NRXN3: variants seen among roughly 807,000 people sequenced by gnomAD.
NRXN3 encodes the protein neurexin 3.
A neutral mutation model predicts 137.6 loss-of-function variants in NRXN3; 32 were observed. The observed-to-expected ratio is 0.23, with a 90% confidence interval of 0.18 to 0.31. The LOEUF is 0.31. Among genes scored for constraint, NRXN3 ranks in the 10% least tolerant of loss-of-function variants. The pLI is 1.00. For missense variants in NRXN3, 1,574 were observed against 2,062.5 expected (o/e 0.76, Z 4.59); for synonymous variants, 798 against 784.5 (o/e 1.02, Z -0.29).
At chr14:79,109,630 T>C (rs2053115805) in intron 15 of NRXN3, among the ~76,000 whole-genome samples, 1 of 152,204 alleles carries the variant, frequency 6.6e-6, no homozygotes, top group Non-Finnish European at 1.5e-5. Flanking sequence ...CTGCCTAGAT[T>C]CATTAAGAAT....
At chr14:79,221,989 A>C (rs935057390) in intron 15 of NRXN3, among the ~76,000 whole-genome samples, 1 of 151,966 alleles carries the variant, frequency 6.6e-6, no homozygotes, top group East Asian at 1.9e-4. Flanking sequence ...AGTTTTCCCA[A>C]CACCATTTGT....
intron 4 of NRXN3, among the ~76,000 whole-genome samples, chr14:78,373,266 G>C: frequency 1.7e-4 from 1 of 6,034 alleles, no homozygotes; most frequent in African/African-American, 2.8e-4. Context: ...GAACAAGAAA[G>C]ATGAGGTGGG....
In NRXN3 at chr14:79,775,127, A is replaced by G. The variant is rs2099092595; in HGVS notation, c.4015-29985A>G. 2.0e-5 allele frequency among the ~76,000 whole-genome samples: 3 copies of G among 152,178 alleles called. 1 individual carries two copies. The South Asian group carries it at 6.2e-4, about 32-fold the overall frequency. On this transcript the variant is annotated intron_variant, in intron 19 of 20. Transcript: ENST00000335750. ...CTGGGGTGGTACTATGGTATGTATT[A>G]ATACCATACCGTAATTCTATGATCT...
chr14:79,831,106 T>C (rs2099321914), intron 20 of NRXN3, among the ~76,000 whole-genome samples: 1 of 151,774 alleles, frequency 6.6e-6, no homozygotes, highest in Admixed American at 6.6e-5. Context: ...AAAAGAAAAA[T>C]GAAGGAAATA....
chr14:79,104,440 C>A (rs2051970785), intron 15 of NRXN3, among the ~76,000 whole-genome samples: 1 of 152,142 alleles, frequency 6.6e-6, no homozygotes, highest in African/African-American at 2.4e-5. Flanking sequence ...CAGTGGACTT[C>A]CAGCCCACTC....
At chr14:79,601,907 G>C (rs1260855529) in intron 16 of NRXN3, among the ~76,000 whole-genome samples, 1 of 152,194 alleles carries the variant, frequency 6.6e-6, no homozygotes, top group Non-Finnish European at 1.5e-5. Context: ...AGACCGAAGA[G>C]GGCAGCCACT....
At chr14:79,264,020 G>A (rs966545305) in intron 15 of NRXN3, among the ~76,000 whole-genome samples, 1 of 152,138 alleles carries the variant, frequency 6.6e-6, no homozygotes, top group African/African-American at 2.4e-5. Context: ...ATACTAATCT[G>A]GTTAGGCCAT....
chr14:78,537,617 G>A (rs1200149359), intron 4 of NRXN3, among the ~76,000 whole-genome samples: 3 of 152,284 alleles, frequency 2.0e-5, no homozygotes, highest in Admixed American at 1.3e-4. Context: ...GGTTTAATTA[G>A]ATCCCATTTG....
In NRXN3 at chr14:78,968,709, G is replaced by A. The variant is rs1383555752; in HGVS notation, c.3142+363G>A. On this transcript the variant is annotated intron_variant, in intron 14 of 20. Coordinates refer to ENST00000335750, the MANE Select transcript of NRXN3 (RefSeq NM_001330195.2). Reference sequence around the variant, plus strand: ...TATTTATACTTTAATACATGATGAGGGGAAAACCAGAGATTTTATGTAGAT... The same window carrying A: ...TATTTATACTTTAATACATGATGAGAGGAAAACCAGAGATTTTATGTAGAT... 5.3e-5 allele frequency among the ~76,000 whole-genome samples: 8 copies of A among 152,244 alleles called. No homozygotes were observed. The East Asian group carries it at 9.6e-4, about 18-fold the overall frequency.
At chr14:78,581,597 A>G (rs2096997683) in intron 4 of NRXN3, among the ~76,000 whole-genome samples, 1 of 152,232 alleles carries the variant, frequency 6.6e-6, no homozygotes, top group Admixed American at 6.5e-5. Context: ...TCTTCTCTAC[A>G]GGTTTATAAA....
At chr14:79,340,873 A>G (rs748924462) in intron 15 of NRXN3, among the ~76,000 whole-genome samples, 4 of 152,212 alleles carry the variant, frequency 2.6e-5, no homozygotes, top group South Asian at 4.1e-4. Context: ...ATCTCTCTCA[A>G]TGCCCTCATC....
At chr14:78,358,008 GC>G (rs1446503970) in intron 4 of NRXN3, among the ~76,000 whole-genome samples, 1 of 152,160 alleles carries the variant, frequency 6.6e-6, no homozygotes, top group Non-Finnish European at 1.5e-5. Context: ...GAGAGTCTCT[GC>G]TCAGTTCTCA....
chr14:78,903,036 C>T (rs1016707800), intron 10 of NRXN3, among the ~76,000 whole-genome samples: 2 of 151,804 alleles, frequency 1.3e-5, no homozygotes, highest in Non-Finnish European at 2.9e-5. Context: ...TCCCTCAACT[C>T]CTGCTCTCCA....
chr14:79,795,581 A>G (rs2099158668), intron 19 of NRXN3, among the ~76,000 whole-genome samples: 1 of 152,218 alleles, frequency 6.6e-6, no homozygotes, highest in Admixed American at 6.5e-5. Context: ...TCTCAAACTT[A>G]CTGGCCACAG....
chr14:78,732,462 C>T (rs4903793), intron 8 of NRXN3, among the ~76,000 whole-genome samples: 1 of 151,954 alleles, frequency 6.6e-6, no homozygotes, highest in African/African-American at 2.4e-5. Context: ...TTTCTGTTAA[C>T]CTCTAATGTG....
At chr14:78,514,232 A>G (rs966177562) in intron 4 of NRXN3, among the ~76,000 whole-genome samples, 2 of 152,182 alleles carry the variant, frequency 1.3e-5, no homozygotes, top group African/African-American at 4.8e-5. Flanking sequence ...ATAGTATAAC[A>G]TTAACTAATA....
chr14:79,133,790 G>T (rs1014221520), intron 15 of NRXN3, among the ~76,000 whole-genome samples: 5 of 151,906 alleles, frequency 3.3e-5, no homozygotes, highest in African/African-American at 1.2e-4. Context: ...TTAGGTGGGC[G>T]TGGTGGTGGG....
chr14:79,357,329 TTC>T (rs2093460812), intron 15 of NRXN3, among the ~76,000 whole-genome samples: 1 of 152,190 alleles, frequency 6.6e-6, no homozygotes, highest in South Asian at 2.1e-4. Flanking sequence ...TATTATAAAC[TTC>T]TTTTTTAAAA....
chr14:79,486,208 G>C lies in NRXN3; in HGVS notation c.3444+18806G>C, dbSNP rs17836120. Among the ~76,000 whole-genome samples, 1,015 of 152,172 alleles carry C rather than the reference G, an allele frequency of 6.7e-3. 6 individuals carry two copies. The highest frequency in any genetic ancestry group is 7.9e-3 in the Non-Finnish European group (536 of 68,000). ...TAGTAAATTGAGTAACAGCCTCTGA[G>C]GGCCCTGCAAAGAGCCAAGGCCCAA... On this transcript the variant is annotated intron_variant, in intron 16 of 20. Transcript: ENST00000335750.
Sources: allele counts gnomAD v4.1 joint callset (sites outside exome capture counted in the v4.1 genomes callset), GRCh38; gene constraint gnomAD v4.1.1; transcripts MANE v1.5; gene names NCBI Gene and HGNC (gene_info 2026-07-23, HGNC 2026-07-21).